Variants in HUNK observed in about 807,000 individuals in gnomAD.
HUNK encodes hormonally up-regulated neu tumor-associated kinase.
Under a neutral mutation model 61.0 loss-of-function variants are expected in HUNK, and 21 were observed. The ratio of observed to expected loss-of-function variants is 0.34; its 90% CI spans 0.24 to 0.50. The LOEUF (loss-of-function observed/expected upper bound fraction) is 0.50. HUNK is among the 20% of genes least tolerant of loss of function. HUNK has a pLI of 0.98. For synonymous variants in HUNK, 371 were observed against 386.1 expected (o/e 0.96, Z 0.46); for missense variants, 772 against 945.7 (o/e 0.82, Z 2.41).
intron 2 of HUNK, among the ~76,000 whole-genome samples, chr21:31,937,778 T>G (rs1252018911): frequency 2.6e-5 from 4 of 152,212 alleles, no homozygotes; most frequent in African/African-American, 7.2e-5. Context: ...TTCCTAAAAA[T>G]TATACATTTG....
chr21:31,903,952 G>A (rs1417743976), intron 1 of HUNK, among the ~76,000 whole-genome samples: 1 of 152,134 alleles, frequency 6.6e-6, no homozygotes, highest in African/African-American at 2.4e-5. Flanking sequence ...CTCTTCAGTC[G>A]TGATGCTGTT....
At chr21:31,985,584 CAA>C (rs2053127254) in intron 8 of HUNK, among the ~76,000 whole-genome samples, 1 of 152,126 alleles carries the variant, frequency 6.6e-6, no homozygotes, top group African/African-American at 2.4e-5. Flanking sequence ...GAGAAACTGG[CAA>C]AGACAGGGCT....
chr21:31,920,164 C>T (rs1291564898), intron 1 of HUNK, among the ~76,000 whole-genome samples: 2 of 152,144 alleles, frequency 1.3e-5, no homozygotes, highest in African/African-American at 4.8e-5. Flanking sequence ...GTGGCTGCCC[C>T]CTCTGCTTAT....
At chr21:31,920,809 C>T (rs2052617270) in intron 1 of HUNK, among the ~76,000 whole-genome samples, 1 of 152,090 alleles carries the variant, frequency 6.6e-6, no homozygotes, top group Admixed American at 6.6e-5. Flanking sequence ...GGCTGATTGA[C>T]TCTTTGTTAC....
At chr21:31,895,750 G>A (rs2052420428) in intron 1 of HUNK, among the ~76,000 whole-genome samples, 1 of 152,204 alleles carries the variant, frequency 6.6e-6, no homozygotes, top group Admixed American at 6.5e-5. Context: ...TTTCACAGTG[G>A]TTGCTGAGCT....
intron 1 of HUNK, among the ~76,000 whole-genome samples, chr21:31,874,570 A>T (rs896164305): frequency 1.3e-5 from 2 of 150,184 alleles, no homozygotes; most frequent in African/African-American, 4.9e-5. Context: ...CTCTCTATCC[A>T]CTCAACCCTC....
chr21:32,000,768 A>G lies in HUNK; in HGVS notation c.*1584A>G, dbSNP rs1003661492. On this transcript the variant is annotated 3_prime_UTR_variant, in exon 11 of 11. Coordinates refer to ENST00000270112, the MANE Select transcript of HUNK (RefSeq NM_014586.2). ...GCAGTTCTGAATCATTCTCTCATTC[A>G]CCAGTGGTGACATCCTTCAGTCCCT... 2.8e-5 allele frequency: 11 copies of G among 398,444 alleles called. No individual in the cohort carries two copies. Among genetic ancestry groups the G allele is most frequent in the Non-Finnish European group, 4.9e-5 (11 of 226,070 alleles). 24.7% of individuals were successfully genotyped at this position (398,444 alleles called of 1,614,324 possible).
chr21:31,912,195 G>A (rs1440493521), intron 1 of HUNK, among the ~76,000 whole-genome samples: 2 of 152,168 alleles, frequency 1.3e-5, no homozygotes, highest in Non-Finnish European at 2.9e-5. Flanking sequence ...TCCAGGGCAT[G>A]CTGATGGAGC....
Position 31,946,032 on chromosome 21 carries a change from G to C in HUNK, c.611-4G>C. ...GAGCTTGTTTTGTTCACCTCTCTTTGCAGACTTTGGTTTGAGCAACTGCGC... is the reference window on the plus strand; with the variant it reads ...GAGCTTGTTTTGTTCACCTCTCTTTCCAGACTTTGGTTTGAGCAACTGCGC... On this transcript the variant is annotated splice_polypyrimidine_tract_variant and splice_region_variant and intron_variant, in intron 3 of 10. Transcript: ENST00000270112. 1 of 1,584,014 alleles carries C rather than the reference G, an allele frequency of 6.3e-7. No individual in the cohort carries two copies. Among genetic ancestry groups the C allele is most frequent in the Non-Finnish European group, 8.6e-7 (1 of 1,158,236 alleles).
At chr21:31,977,734 C>G (rs145314679) in intron 7 of HUNK, among the ~76,000 whole-genome samples, 2,071 of 152,312 alleles carry the variant, frequency 0.014, 45 homozygotes, top group African/African-American at 0.046. Context: ...CTCTGTCGCC[C>G]AGGCTGGAGT....
At chr21:31,888,608 C>T (rs932331361) in intron 1 of HUNK, among the ~76,000 whole-genome samples, 4 of 152,042 alleles carry the variant, frequency 2.6e-5, no homozygotes, top group Non-Finnish European at 4.4e-5. Flanking sequence ...TGCATGGTGG[C>T]GCATGCCTGT....
At chr21:31,980,808 G>C (rs1027302628) in intron 7 of HUNK, among the ~76,000 whole-genome samples, 1 of 152,162 alleles carries the variant, frequency 6.6e-6, no homozygotes, top group African/African-American at 2.4e-5. Context: ...AGGTTCAAGC[G>C]ATTCTCCTGC....
chr21:31,991,903 G>T (rs916664200), intron 9 of HUNK, among the ~76,000 whole-genome samples: 6 of 152,238 alleles, frequency 3.9e-5, no homozygotes, highest in Admixed American at 1.3e-4. Context: ...GGATGCATTT[G>T]CTGTTCAGGC....
intron 9 of HUNK, among the ~76,000 whole-genome samples, chr21:31,992,611 C>T (rs1207982372): frequency 2.6e-5 from 4 of 152,264 alleles, no homozygotes; most frequent in South Asian, 2.1e-4. Context: ...TGGAGCGCAT[C>T]GGAGGGAAGC....
At chr21:31,942,848 G>C (rs2123829057) in intron 3 of HUNK, among the ~76,000 whole-genome samples, 1 of 149,698 alleles carries the variant, frequency 6.7e-6, no homozygotes, top group South Asian at 2.1e-4. Context: ...GGAAACTGAG[G>C]AACCCTACCT....
At chr21:31,985,479 T>C (rs2053126411) in intron 8 of HUNK, among the ~76,000 whole-genome samples, 2 of 152,106 alleles carry the variant, frequency 1.3e-5, no homozygotes, top group South Asian at 4.2e-4. Context: ...TCTGTGCGAA[T>C]GTGATGGGAG....
intron 9 of HUNK, among the ~76,000 whole-genome samples, chr21:31,991,802 A>G (rs556508376): frequency 3.3e-5 from 5 of 152,338 alleles, no homozygotes; most frequent in South Asian, 2.1e-4. Flanking sequence ...CTCCTCTGCC[A>G]CATGTGGAAA....
At chr21:31,904,601 T>A (rs888571076) in intron 1 of HUNK, among the ~76,000 whole-genome samples, 3 of 152,228 alleles carry the variant, frequency 2.0e-5, no homozygotes, top group South Asian at 4.1e-4. Context: ...TGGCGTTTCC[T>A]TGAGTCATGT....
chr21:31,966,747 T>C (rs1159664333), intron 5 of HUNK, among the ~76,000 whole-genome samples: 1 of 152,154 alleles, frequency 6.6e-6, no homozygotes, highest in Non-Finnish European at 1.5e-5. Context: ...GAAGATTACT[T>C]TAGAAAACTG....
Sources: gnomAD v4.1 joint callset for allele counts (sites outside exome capture counted in the v4.1 genomes callset) on GRCh38, gnomAD v4.1.1 for gene constraint, MANE v1.5 for transcripts, NCBI Gene and HGNC (gene_info 2026-07-23, HGNC 2026-07-21) for gene names.